The following SPEN variants were observed in gnomAD, a reference collection of about 807,000 sequenced individuals.
The protein encoded by SPEN is msx2-interacting protein.
Under a neutral mutation model 269.9 loss-of-function variants are expected in SPEN, and 18 were observed. That is an observed-to-expected ratio of 0.07 (90% CI 0.05 to 0.10). The LOEUF is 0.10. Ranked by LOEUF, SPEN falls within the 10% of genes least tolerant of loss-of-function variation. SPEN has a pLI of 1.00. For missense variants in SPEN, 3,822 were observed against 4,631.2 expected (o/e 0.83, Z 5.07); for synonymous variants, 1,726 against 1,765.7 (o/e 0.98, Z 0.56).
chr1:15,910,439 G>A lies in SPEN; in HGVS notation c.1043-662G>A, dbSNP rs1280627269. Among the ~76,000 whole-genome samples the A allele has an allele frequency of 3.3e-5, 5 of 151,992 alleles. No homozygotes were observed. The South Asian group carries it at 6.2e-4, about 19-fold the overall frequency. ...TGAGATGATCCTTGGAAAGATAGAC[G>A]ATGCCTTTCCATTTCAAGTCTTTAA... On this transcript the variant is annotated intron_variant, in intron 4 of 14. Transcript: ENST00000375759.
Position 15,932,672 on chromosome 1 carries a change from A to G in SPEN, c.6432A>G (p.Pro2144=). The G allele has an allele frequency of 6.2e-7, 1 of 1,614,086 alleles. No individual in the cohort carries two copies. Among genetic ancestry groups the G allele is most frequent in the African/African-American group, 1.3e-5 (1 of 75,042 alleles). Residue 2144 remains proline, a synonymous_variant, in exon 11 of 15, where the codon CCA becomes CCG. Transcript: ENST00000375759. The surrounding 1 kb of genome is among the most constrained non-coding windows in gnomAD (Gnocchi z 4.2). The stretch of plus-strand genomic sequence containing the variant: ...AGTTGAAAAGTGATCCAGTTGATCC[A>G]GACAAGGAACCAGAGAAAGAAGACG... ...SSQLKSDPVD[P]DKEPEKEDVS...
Position 15,876,371 on chromosome 1 carries a change from A to G in SPEN, c.574A>G (p.Asn192Asp). The change falls in exon 3 of 15, where the codon AAT becomes GAT. Residue 192 changes from asparagine (N) to aspartate (D), a missense_variant. By Grantham distance (23) the Asn-to-Asp change is conservative. Around this residue, in one of 16 missense-constraint regions of SPEN, gnomAD observed 327 missense variants for 350.8 expected, o/e 0.93. Transcript: ENST00000375759. ...LYYASRSRSP[N>D]RFDAHDPRYE... ...TTACGCTTCTCGGAGTCGAAGTCCA[A>G]ATCGCTTTGATGCTCATGACCCCCG... The G allele has an allele frequency of 6.2e-7, 1 of 1,614,058 alleles. No homozygotes were observed. Among genetic ancestry groups the G allele is most frequent in the Non-Finnish European group, 8.5e-7 (1 of 1,179,994 alleles).
chr1:15,902,189 A>G (rs1033344943), intron 3 of SPEN, among the ~76,000 whole-genome samples: 1 of 152,160 alleles, frequency 6.6e-6, no homozygotes, highest in Admixed American at 6.5e-5. Context: ...TCAGCCTCCC[A>G]AAGTGCTGGG....
At chr1:15,898,562 T>C (rs2070865090) in intron 3 of SPEN, among the ~76,000 whole-genome samples, 1 of 149,796 alleles carries the variant, frequency 6.7e-6, no homozygotes, top group Non-Finnish European at 1.5e-5. Flanking sequence ...TTTTTTCTTT[T>C]TTTTTTTTTT....
rs1001456453 is a variant in SPEN, at chr1:15,940,134, TAAAA to T, written c.*710_*713del. 2 of 220,358 alleles carry T rather than the reference TAAAA, an allele frequency of 9.1e-6. No individual in the cohort carries two copies. The highest frequency in any genetic ancestry group is 2.3e-5 in the African/African-American group (1 of 44,344). 13.7% of individuals were successfully genotyped at this position (220,358 alleles called of 1,614,324 possible). On this transcript the variant is annotated 3_prime_UTR_variant, in exon 15 of 15. Coordinates refer to ENST00000375759, the MANE Select transcript of SPEN (RefSeq NM_015001.3). ...TATATAAATATATATAATACTGACT[TAAAA>T]AATCAAATCCCCCGACATACGTTTT... is the stretch of plus-strand genomic sequence containing the variant.
intron 3 of SPEN, among the ~76,000 whole-genome samples, chr1:15,903,027 C>T (rs2070918535): frequency 6.6e-6 from 1 of 152,038 alleles, no homozygotes; most frequent in South Asian, 2.1e-4. Context: ...TAGAGGGATA[C>T]AGAAGTCAGT....
chr1:15,899,508 G>A (rs1012899207), intron 3 of SPEN, among the ~76,000 whole-genome samples: 1 of 150,014 alleles, frequency 6.7e-6, no homozygotes, highest in Non-Finnish European at 1.5e-5. Flanking sequence ...CCATCCTAGT[G>A]GGTGTGAAGT....
At chr1:15,861,204 G>C (rs934967665) in intron 1 of SPEN, among the ~76,000 whole-genome samples, 1 of 150,358 alleles carries the variant, frequency 6.7e-6, no homozygotes, top group Non-Finnish European at 1.5e-5. Context: ...TGTGGTCTCG[G>C]CTCACTGCAT....
chr1:15,891,851 T>A (rs548319048), intron 3 of SPEN, among the ~76,000 whole-genome samples: 81 of 151,584 alleles, frequency 5.3e-4, no homozygotes, highest in Middle Eastern at 3.4e-3. Context: ...TTCACATATA[T>A]CTCAGTAGAA....
intron 3 of SPEN, among the ~76,000 whole-genome samples, chr1:15,889,456 G>A (rs559212289): frequency 1.8e-4 from 28 of 152,144 alleles, no homozygotes; most frequent in African/African-American, 6.5e-4. Context: ...ATGAGCCACC[G>A]TGCCTGGCCA....
intron 1 of SPEN, among the ~76,000 whole-genome samples, chr1:15,849,167 C>G (rs962059889): frequency 1.3e-5 from 2 of 152,172 alleles, no homozygotes. Flanking sequence ...GGTGCAGATT[C>G]AGAGGGACCA....
rs146693537 is a variant in SPEN, at chr1:15,873,031, G to A, written c.299G>A (p.Arg100His). Residue 100 changes from arginine to histidine, a missense_variant, in exon 2 of 15, where the codon CGT becomes CAT. This residue lies in a region of SPEN where 327 missense variants were observed against 350.8 expected (regional missense o/e 0.93). Transcript: ENST00000375759. ...GLDDTVSIAS[R>H]SREVSGFRGG... The stretch of plus-strand genomic sequence containing the variant: ...GATGATACAGTTTCCATAGCATCTC[G>A]TAGTAGAGAGGTTTCTGGGTTCAGA... 193 of 1,614,034 alleles carry A rather than the reference G, an allele frequency of 1.2e-4. No individual in the cohort carries two copies. The highest frequency in any genetic ancestry group is 1.6e-4 in the Non-Finnish European group (186 of 1,180,032).
At position 15,940,425 on chromosome 1, in the gene SPEN, A is replaced by T. The variant is rs2071335434; in HGVS notation, c.*998A>T. Reference sequence around the variant, plus strand: ...CAGTTTTGTTTTGTGTGTCCATTGGATTACAAACTTTATTAAAAAATATAA... The same window carrying T: ...CAGTTTTGTTTTGTGTGTCCATTGGTTTACAAACTTTATTAAAAAATATAA... On this transcript the variant is annotated 3_prime_UTR_variant, in exon 15 of 15. Transcript: ENST00000375759. 4.3e-6 allele frequency: 1 copy of T among 230,684 alleles called. No individual in the cohort carries two copies. 14.3% of individuals were successfully genotyped at this position (230,684 alleles called of 1,614,324 possible).
At chr1:15,896,455 C>T (rs2070843448) in intron 3 of SPEN, among the ~76,000 whole-genome samples, 1 of 152,062 alleles carries the variant, frequency 6.6e-6, no homozygotes, top group African/African-American at 2.4e-5. Context: ...CTCGGCCTCC[C>T]AAAGTGCTGG....
Position 15,857,050 on chromosome 1 carries a change from C to T in SPEN, c.83+8900C>T, listed in dbSNP as rs184903221. On this transcript the variant is annotated intron_variant, in intron 1 of 14. Coordinates refer to ENST00000375759, the MANE Select transcript of SPEN (RefSeq NM_015001.3). ...ACAACCATCAGTTATGGCCTATCTG[C>T]TTTTCTCCTTCCTGTATTTTTTTTT... Among the ~76,000 whole-genome samples the T allele has an allele frequency of 1.8e-3, 278 of 151,966 alleles. 7 individuals are homozygous for T. In the East Asian group the frequency reaches 0.043, roughly 24 times the overall value.
chr1:15,899,092 C>G (rs1036015599), intron 3 of SPEN, among the ~76,000 whole-genome samples: 1 of 152,048 alleles, frequency 6.6e-6, no homozygotes, highest in Non-Finnish European at 1.5e-5. Context: ...GTTTGGGGAA[C>G]CCCATGGCTG....
chr1:15,912,831 C>T (rs2071023565), intron 5 of SPEN, among the ~76,000 whole-genome samples: 1 of 152,060 alleles, frequency 6.6e-6, no homozygotes, highest in Admixed American at 6.6e-5. Context: ...GTTTCTAGAG[C>T]CAATTATAAT....
At chr1:15,872,223 A>C (rs1415846540) in intron 1 of SPEN, among the ~76,000 whole-genome samples, 1 of 72,986 alleles carries the variant, frequency 1.4e-5, no homozygotes, top group African/African-American at 9.3e-5. Context: ...ACTCTGTCTC[A>C]AAAAAAAAAA....
chr1:15,858,765 G>A (rs922391346), intron 1 of SPEN, among the ~76,000 whole-genome samples: 3 of 151,928 alleles, frequency 2.0e-5, no homozygotes, highest in Admixed American at 6.6e-5. Context: ...TAAAACCCAG[G>A]CTGTAAAAAC....
Sources: gnomAD v4.1 joint callset for allele counts (sites outside exome capture counted in the v4.1 genomes callset) on GRCh38, gnomAD v4.1.1 for gene constraint, gnomAD v4.1.1 regional missense constraint, Gnocchi (gnomAD v3.1) non-coding constraint, MANE v1.5 for transcripts, NCBI Gene and HGNC (gene_info 2026-07-23, HGNC 2026-07-21) for gene names.